Variants in CLTC observed in about 807,000 individuals in gnomAD.
CLTC encodes clathrin heavy chain.
A neutral mutation model predicts 195.8 loss-of-function variants in CLTC; 16 were observed. That is an observed-to-expected ratio of 0.08 (90% CI 0.06 to 0.12). The LOEUF is 0.12. CLTC is among the 10% of genes least tolerant of loss of function. CLTC has a pLI of 1.00. For missense variants in CLTC, 796 were observed against 2,027.0 expected, an observed-to-expected ratio of 0.39 and a Z score of 11.66; for synonymous variants, 667 against 689.4, an observed-to-expected ratio of 0.97 and a Z score of 0.51.
At chr17:59,625,108 G>T (rs114120898) in intron 1 of CLTC, among the ~76,000 whole-genome samples, 1 of 151,498 alleles carries the variant, frequency 6.6e-6, no homozygotes, top group African/African-American at 2.4e-5. Flanking sequence ...TAGTGTGTGT[G>T]GTTTTTTTTT....
At chr17:59,630,004 T>C (rs902967199) in intron 1 of CLTC, among the ~76,000 whole-genome samples, 9 of 152,130 alleles carry the variant, frequency 5.9e-5, no homozygotes, top group Non-Finnish European at 1.5e-5. Flanking sequence ...AAATATAATT[T>C]TGTGTGTTTT....
At chr17:59,653,485 G>A (rs1404243282) in intron 5 of CLTC, among the ~76,000 whole-genome samples, 1 of 151,712 alleles carries the variant, frequency 6.6e-6, no homozygotes, top group Non-Finnish European at 1.5e-5. Context: ...GAGCCACCAC[G>A]CCCGGCCTCC....
At chr17:59,656,703 T>G (rs1427913441) in intron 6 of CLTC, among the ~76,000 whole-genome samples, 1 of 149,368 alleles carries the variant, frequency 6.7e-6, no homozygotes, top group African/African-American at 2.5e-5. Flanking sequence ...AGATGGAGTC[T>G]TGCTCTGTCA....
At chr17:59,672,150 GTTAA>G (rs886979239) in intron 14 of CLTC, among the ~76,000 whole-genome samples, 10 of 152,010 alleles carry the variant, frequency 6.6e-5, no homozygotes, top group Admixed American at 2.0e-4. Flanking sequence ...ATAACTGGAG[GTTAA>G]TTAAACATTT....
intron 2 of CLTC, 50 bp downstream of exon 2, chr17:59,644,533 TTTTTTG>T (rs763770781): frequency 2.2e-4 from 303 of 1,363,776 alleles, no homozygotes; most frequent in African/African-American, 1.8e-3. Flanking sequence ...GTTTTTGTTT[TTTTTTG>T]TTTTTTTTTT....
In CLTC at chr17:59,685,800, T is replaced by G. The variant is rs767279098; in HGVS notation, c.4819T>G (p.Leu1607Val). 6.2e-7 allele frequency: 1 copy of G among 1,612,626 alleles called. No individual in the cohort carries two copies. Among genetic ancestry groups the G allele is most frequent in the Non-Finnish European group, 8.5e-7 (1 of 1,178,768 alleles). Residue 1607 changes from leucine to valine, a missense_variant, in exon 30 of 32, where the codon TTG becomes GTG. Leu to Val is a conservative substitution (Grantham distance 32, BLOSUM62 1). Coordinates refer to ENST00000269122, the MANE Select transcript of CLTC (RefSeq NM_004859.4). This position sits in a 1 kb window ranked among gnomAD's most constrained non-coding sequence, Gnocchi z 5.0. ...TTTCATCCAGGTCATGAAGGAGTAC[T>G]TGACAAAGGTAATGACTCTTCTAAG... The part of the protein sequence containing the change: ...PYFIQVMKEY[L>V]TKVDKLDASE...
chr17:59,654,105 T>TC (rs376757590), intron 5 of CLTC, among the ~76,000 whole-genome samples: 24 of 152,102 alleles, frequency 1.6e-4, no homozygotes, highest in African/African-American at 5.8e-4. Context: ...CCTTAAGTGA[T>TC]CCTTCTGCCT....
Position 59,683,808 on chromosome 17 carries a change from T to C in CLTC, c.4323+52T>C, listed in dbSNP as rs772437264. On this transcript the variant is annotated intron_variant, in intron 27 of 31. Coordinates refer to ENST00000269122, the MANE Select transcript of CLTC (RefSeq NM_004859.4). The surrounding 1 kb of genome is among the most constrained non-coding windows in gnomAD (Gnocchi z 6.1). ...TTCATAGCAAGGAATTAGGACATAC[T>C]TCGATAACTTTTGTCCCTGGGACTT... The C allele has an allele frequency of 1.2e-6, 2 of 1,612,666 alleles. No individual in the cohort carries two copies. The highest frequency in any genetic ancestry group is 2.7e-5 in the African/African-American group (2 of 74,888).
rs572501547 is a variant in CLTC at position 59,656,963 on chromosome 17, C to T, written c.969+936C>T. Among the ~76,000 whole-genome samples, 36 of 151,980 alleles carry T rather than the reference C, an allele frequency of 2.4e-4. 1 individual carries two copies. In the South Asian group the frequency reaches 6.4e-3, roughly 27 times the overall value. Reference sequence around the variant, plus strand: ...CTGGGATTACAGGCGTGAGTCACGGCGCACAGCCTATTTTAATATTAATAA... The same window carrying T: ...CTGGGATTACAGGCGTGAGTCACGGTGCACAGCCTATTTTAATATTAATAA... On this transcript the variant is annotated intron_variant, in intron 6 of 31. Transcript: ENST00000269122.
intron 16 of CLTC, among the ~76,000 whole-genome samples, chr17:59,676,511 T>C (rs1422388953): frequency 1.3e-5 from 2 of 152,216 alleles, no homozygotes; most frequent in Non-Finnish European, 2.9e-5. Flanking sequence ...ACTGTATGAA[T>C]CTCTAATCTT....
At chr17:59,646,414 T>G (rs554648283) in intron 2 of CLTC, among the ~76,000 whole-genome samples, 62 of 152,294 alleles carry the variant, frequency 4.1e-4, no homozygotes, top group African/African-American at 1.5e-3. Context: ...TTTGCACATG[T>G]GTTACGGAGG....
intron 30 of CLTC, among the ~76,000 whole-genome samples, chr17:59,688,124 C>T (rs2033223076): frequency 6.6e-6 from 1 of 152,156 alleles, no homozygotes; most frequent in Non-Finnish European, 1.5e-5. Flanking sequence ...AATTGAACTG[C>T]AGTGTTATGC....
intron 4 of CLTC, among the ~76,000 whole-genome samples, chr17:59,649,995 G>A (rs1222373147): frequency 6.6e-6 from 1 of 152,168 alleles, no homozygotes; most frequent in East Asian, 1.9e-4. Context: ...CATACATGGT[G>A]CTATCCTGTC....
intron 6 of CLTC, among the ~76,000 whole-genome samples, chr17:59,659,619 A>ATT (rs998674557): frequency 6.8e-6 from 1 of 146,058 alleles, no homozygotes; most frequent in African/African-American, 2.5e-5. Flanking sequence ...TAATTTTTAT[A>ATT]TTTTTTTTTT....
intron 6 of CLTC, among the ~76,000 whole-genome samples, chr17:59,657,299 T>C (rs9893068): frequency 0.88 from 134,074 of 152,194 alleles, 59,307 homozygotes; most frequent in African/African-American, 0.95. Flanking sequence ...CCTCATAACA[T>C]TTACCATACT....
intron 6 of CLTC, among the ~76,000 whole-genome samples, chr17:59,656,455 A>G (rs1428236502): frequency 6.6e-6 from 1 of 152,100 alleles, no homozygotes; most frequent in Non-Finnish European, 1.5e-5. Context: ...CTACAGGGAA[A>G]AGAATTCTAC....
At chr17:59,690,035 C>G (rs568969264) in intron 30 of CLTC, 3 of 152,194 alleles carry the variant, frequency 2.0e-5, no homozygotes, top group African/African-American at 7.2e-5. Context: ...GGGACAAAAT[C>G]AGGCTTTCCT....
At position 59,695,098 on chromosome 17, in the gene CLTC, A is replaced by G. The variant is rs2033390895; in HGVS notation, c.*1246A>G. ...CTGTTATATTAACTTGAAATAAAAT[A>G]TATTTAAACATGTAGTTAACATGCT... On this transcript the variant is annotated 3_prime_UTR_variant, in exon 32 of 32. Transcript: ENST00000269122. 3 of 203,678 alleles carry G rather than the reference A, an allele frequency of 1.5e-5. No individual in the cohort carries two copies. Among genetic ancestry groups the G allele is most frequent in the Non-Finnish European group, 3.0e-5 (3 of 99,330 alleles). 12.6% of individuals were successfully genotyped at this position (203,678 alleles called of 1,614,324 possible).
intron 2 of CLTC, 68 bp from the exon 3 acceptor site, chr17:59,647,330 A>T (rs552540201): frequency 9.7e-6 from 12 of 1,241,232 alleles, no homozygotes; most frequent in Non-Finnish European, 1.4e-5. Flanking sequence ...TGACAGAGCT[A>T]GTCTAGGTAG....
Sources: gnomAD v4.1 joint callset for allele counts (sites outside exome capture counted in the v4.1 genomes callset) on GRCh38, gnomAD v4.1.1 for gene constraint, Gnocchi (gnomAD v3.1) non-coding constraint, MANE v1.5 for transcripts, NCBI Gene and HGNC (gene_info 2026-07-23, HGNC 2026-07-21) for gene names.